The following ABHD12 variants were observed in gnomAD, a reference collection of about 807,000 sequenced individuals.
The protein encoded by ABHD12 is lysophosphatidylserine lipase ABHD12.
In ABHD12, 43 loss-of-function variants were observed where a neutral mutation model predicts 58.3. The observed-to-expected ratio is 0.74, with a 90% CI of 0.58 to 0.95. The LOEUF is 0.95. Among genes scored for constraint, ABHD12 ranks in the 40% least tolerant of loss-of-function variants. The pLI is 0.00. For synonymous variants in ABHD12, 219 were observed against 211.2 expected, an observed-to-expected ratio of 1.04 and a Z score of -0.32; for missense variants, 539 against 537.2, an observed-to-expected ratio of 1.00 and a Z score of -0.03.
intron 1 of ABHD12, chr20:25,339,661 TG>T: frequency 7.2e-7 from 1 of 1,390,962 alleles, no homozygotes; most frequent in Middle Eastern, 2.0e-4. Flanking sequence ...GACCCCACCA[TG>T]CCCCCCACCT....
chr20:25,298,361 G>A (rs943921014), downstream of ABHD12, among the ~76,000 whole-genome samples: 2 of 152,168 alleles, frequency 1.3e-5, no homozygotes, highest in African/African-American at 2.4e-5. Context: ...CGCCTCCTGG[G>A]TTCAAGCAAT....
At chr20:25,376,007 C>A (rs1720903741) in intron 1 of ABHD12, among the ~76,000 whole-genome samples, 1 of 152,000 alleles carries the variant, frequency 6.6e-6, no homozygotes, top group Admixed American at 6.6e-5. Flanking sequence ...CCTGTAGTCC[C>A]AGCCACTTGG....
chr20:25,387,198 A>G (rs2090102495), intron 1 of ABHD12, among the ~76,000 whole-genome samples: 1 of 152,248 alleles, frequency 6.6e-6, no homozygotes, highest in Non-Finnish European at 1.5e-5. Flanking sequence ...CATTAAAGTC[A>G]GGAATGAAAC....
chr20:25,379,755 G>T (rs2090000683), intron 1 of ABHD12, among the ~76,000 whole-genome samples: 3 of 152,046 alleles, frequency 2.0e-5, no homozygotes, highest in African/African-American at 7.3e-5. Flanking sequence ...TTGAGACAGG[G>T]TGTCACTCTG....
chr20:25,315,103 A>G, intron 5 of ABHD12, 133 bp from the exon 6 acceptor site: 2 of 929,582 alleles, frequency 2.2e-6, no homozygotes, highest in Non-Finnish European at 3.5e-6. Flanking sequence ...AAAGACTGTG[A>G]CATGCTGCCT....
chr20:25,357,737 G>A (rs2089687364), intron 1 of ABHD12, among the ~76,000 whole-genome samples: 4 of 152,118 alleles, frequency 2.6e-5, no homozygotes, highest in South Asian at 2.1e-4. Context: ...ATGGCCAGGT[G>A]CAGTGGCTCA....
intron 1 of ABHD12, among the ~76,000 whole-genome samples, chr20:25,347,950 G>A (rs1331490730): frequency 9.3e-5 from 14 of 150,502 alleles, no homozygotes; most frequent in Non-Finnish European, 1.9e-4. Flanking sequence ...AGGGTCTCAC[G>A]CCTGGAATCC....
At chr20:25,329,370 A>C (rs1260600141) in intron 2 of ABHD12, among the ~76,000 whole-genome samples, 2 of 152,198 alleles carry the variant, frequency 1.3e-5, no homozygotes, top group East Asian at 3.9e-4. Flanking sequence ...TGGGCAAACA[A>C]GGCCCACAGG....
At chr20:25,373,978 G>A (rs1182889825) in intron 1 of ABHD12, among the ~76,000 whole-genome samples, 1 of 152,064 alleles carries the variant, frequency 6.6e-6, no homozygotes, top group East Asian at 1.9e-4. Context: ...AGACCAGAGT[G>A]TAGTGGCTTG....
intron 2 of ABHD12, among the ~76,000 whole-genome samples, chr20:25,338,486 G>A (rs1426323665): frequency 7.2e-5 from 11 of 152,066 alleles, no homozygotes; most frequent in East Asian, 5.8e-4. Flanking sequence ...TTGGAGCCTC[G>A]CTTGTAGGAC....
chr20:25,336,691 A>G (rs973515859), intron 2 of ABHD12, among the ~76,000 whole-genome samples: 1 of 152,220 alleles, frequency 6.6e-6, no homozygotes, highest in African/African-American at 2.4e-5. Context: ...AAAACCAACA[A>G]GCTCCATGCT....
At chr20:25,321,021 C>A (rs191926548) in intron 3 of ABHD12, among the ~76,000 whole-genome samples, 27 of 152,338 alleles carry the variant, frequency 1.8e-4, no homozygotes, top group Non-Finnish European at 2.6e-4. Flanking sequence ...TATTCAAATT[C>A]ATTCTGGATA....
At chr20:25,333,765 T>C (rs867342012) in intron 2 of ABHD12, among the ~76,000 whole-genome samples, 3,515 of 151,930 alleles carry the variant, frequency 0.023, 129 homozygotes, top group African/African-American at 0.077. Context: ...CAACCCTTCA[T>C]GCTAAAAACT....
At chr20:25,325,318 CCT>C (rs1271453726) in intron 2 of ABHD12, among the ~76,000 whole-genome samples, 3 of 152,102 alleles carry the variant, frequency 2.0e-5, no homozygotes, top group Admixed American at 6.5e-5. Context: ...GAGCCTGGCC[CCT>C]GAGAGGCCTG....
chr20:25,347,052 G>A (rs1394470110), intron 1 of ABHD12, among the ~76,000 whole-genome samples: 3 of 152,102 alleles, frequency 2.0e-5, no homozygotes, highest in African/African-American at 7.2e-5. Context: ...AGATGAGGGT[G>A]GTACGAGAAT....
chr20:25,384,967 A>C lies in ABHD12; in HGVS notation c.191+5546T>G, dbSNP rs140343054. On this transcript the variant is annotated intron_variant, in intron 1 of 12. Coordinates refer to ENST00000339157, the MANE Select transcript of ABHD12 (RefSeq NM_001042472.3). ...GAGCACAAAACATGTGTGTGTGTGT[A>C]TGTGTGTGTGTATATATATTTCCCC... Among the ~76,000 whole-genome samples the C allele has an allele frequency of 4.0e-4, 61 of 151,972 alleles. No homozygotes were observed. The East Asian group carries it at 9.9e-3, about 25-fold the overall frequency.
intron 2 of ABHD12, among the ~76,000 whole-genome samples, chr20:25,325,203 C>CAAAAAAA: frequency 1.3e-5 from 1 of 76,452 alleles, no homozygotes; most frequent in Non-Finnish European, 2.5e-5. Context: ...GACCCTGTTT[C>CAAAAAAA]AAAAAAAAAA....
At chr20:25,364,655 C>G (rs1256736279) in intron 1 of ABHD12, among the ~76,000 whole-genome samples, 1 of 152,234 alleles carries the variant, frequency 6.6e-6, no homozygotes, top group Non-Finnish European at 1.5e-5. Context: ...TAACGGCCTA[C>G]AGAGCTATTT....
chr20:25,342,575 A>AT (rs1031862126), intron 1 of ABHD12, among the ~76,000 whole-genome samples: 1 of 150,508 alleles, frequency 6.6e-6, no homozygotes, highest in Non-Finnish European at 1.5e-5. Context: ...TTGGGTCAGT[A>AT]TTTTTTACCG....
Sources: allele counts gnomAD v4.1 joint callset (sites outside exome capture counted in the v4.1 genomes callset), GRCh38; gene constraint gnomAD v4.1.1; transcripts MANE v1.5; gene names NCBI Gene and HGNC (gene_info 2026-07-23, HGNC 2026-07-21).